The following ASIC2 variants were observed in gnomAD, a reference collection of about 807,000 sequenced individuals.
ASIC2 encodes acid-sensing ion channel 2.
Under a neutral mutation model 57.3 loss-of-function variants are expected in ASIC2, and 25 were observed. That is an observed-to-expected ratio of 0.44 (90% CI 0.32 to 0.61). The LOEUF is 0.61. Ranked by LOEUF, ASIC2 falls within the 20% of genes least tolerant of loss-of-function variation. The pLI is 0.06. For synonymous variants in ASIC2, 319 were observed against 307.5 expected, an observed-to-expected ratio of 1.04 and a Z score of -0.39; for missense variants, 641 against 738.1, an observed-to-expected ratio of 0.87 and a Z score of 1.52.
rs562485718 is a variant in ASIC2 at position 33,148,143 on chromosome 17, T to A, written c.709-36076A>T. On this transcript the variant is annotated intron_variant, in intron 1 of 9. Transcript: ENST00000225823. Reference sequence around the variant, plus strand: ...TATAATAGGAGCACAGTTAGCAAGGTGCTTCACACCTTCTGTGCCGTTTCA... The same window carrying A: ...TATAATAGGAGCACAGTTAGCAAGGAGCTTCACACCTTCTGTGCCGTTTCA... 1.2e-3 allele frequency among the ~76,000 whole-genome samples: 179 copies of A among 152,344 alleles called. 3 individuals are homozygous for A. The South Asian group carries it at 0.015, about 13-fold the overall frequency.
At position 33,238,201 on chromosome 17, in the gene ASIC2, G is replaced by A. The variant is rs1177869562; in HGVS notation, c.708+53207C>T. The stretch of plus-strand genomic sequence containing the variant: ...TCACGTGCTGGTGAAGGATCCCACA[G>A]GTGAAATCGCAGAGGCTGTGCTGGA... On this transcript the variant is annotated intron_variant, in intron 1 of 9. Transcript: ENST00000225823. Among the ~76,000 whole-genome samples, 3 of 152,312 alleles carry A rather than the reference G, an allele frequency of 2.0e-5. No homozygotes were observed. In the South Asian group the frequency reaches 6.2e-4, roughly 32 times the overall value.
chr17:33,238,056 G>A, intron 1 of ASIC2, among the ~76,000 whole-genome samples: 1 of 152,216 alleles, frequency 6.6e-6, no homozygotes, highest in Non-Finnish European at 1.5e-5. Flanking sequence ...TGGTTCCGAA[G>A]CTAGAGCCAC....
At chr17:33,263,912 A>G (rs1909373500) in intron 1 of ASIC2, among the ~76,000 whole-genome samples, 1 of 151,942 alleles carries the variant, frequency 6.6e-6, no homozygotes, top group South Asian at 2.1e-4. Flanking sequence ...ATAGGTCCCC[A>G]AGTCGCAGGG....
chr17:33,123,617 T>G (rs7209561), intron 1 of ASIC2, among the ~76,000 whole-genome samples: 38,581 of 152,182 alleles, frequency 0.25, 4,928 homozygotes, highest in East Asian at 0.43. Context: ...AGATCCCTTC[T>G]GGAACGTTTC....
chr17:33,977,582 A>G (rs943433287), intron 1 of ASIC2, among the ~76,000 whole-genome samples: 2 of 152,130 alleles, frequency 1.3e-5, no homozygotes, highest in Non-Finnish European at 2.9e-5. Context: ...TGAAGGATAC[A>G]GTTTTTCTAT....
intron 1 of ASIC2, among the ~76,000 whole-genome samples, chr17:34,096,319 A>C (rs957162070): frequency 6.6e-6 from 1 of 152,208 alleles, no homozygotes; most frequent in Admixed American, 6.5e-5. Flanking sequence ...GCATGAGTTA[A>C]AGGTTATAAG....
At chr17:33,161,857 G>GTTTTTT (rs199823485) in intron 1 of ASIC2, among the ~76,000 whole-genome samples, 24 of 94,226 alleles carry the variant, frequency 2.5e-4, no homozygotes, top group Non-Finnish European at 3.7e-4. Flanking sequence ...GAATTCCTAG[G>GTTTTTT]TTTTTTTTTT....
chr17:33,912,847 T>C (rs1023330744), intron 1 of ASIC2, among the ~76,000 whole-genome samples: 1 of 151,740 alleles, frequency 6.6e-6, no homozygotes, highest in Admixed American at 6.6e-5. Context: ...GGCGTGGTGG[T>C]GCATGCCTAT....
At chr17:34,151,064 C>T (rs1306691758) in intron 1 of ASIC2, among the ~76,000 whole-genome samples, 2 of 144,496 alleles carry the variant, frequency 1.4e-5, no homozygotes, top group African/African-American at 5.1e-5. Context: ...GATCGCACAA[C>T]TGCACTCCAG....
intron 1 of ASIC2, among the ~76,000 whole-genome samples, chr17:33,591,546 A>G (rs4795814): frequency 0.11 from 17,300 of 152,146 alleles, 1,288 homozygotes; most frequent in South Asian, 0.31. Flanking sequence ...TCTCACTCCA[A>G]TATCCTTTCT....
At chr17:33,687,081 G>T (rs1908218433) in intron 1 of ASIC2, among the ~76,000 whole-genome samples, 1 of 152,080 alleles carries the variant, frequency 6.6e-6, no homozygotes, top group African/African-American at 2.4e-5. Context: ...AGCATCTCTG[G>T]GTCTCAGTTT....
intron 1 of ASIC2, among the ~76,000 whole-genome samples, chr17:33,351,617 T>C (rs1038501806): frequency 6.6e-5 from 10 of 152,186 alleles, no homozygotes; most frequent in Admixed American, 2.0e-4. Context: ...TTAGGTCTCA[T>C]GTTTTCCTAC....
rs541757757 is a variant in ASIC2, at chr17:33,725,512, A to C, written c.555+430466T>G. Reference sequence around the variant, plus strand: ...GGTTAAGTATGGTCTTTCAGAAGTTAATTCCAGCTTGTAAGACTCAGTGCC... The same window carrying C: ...GGTTAAGTATGGTCTTTCAGAAGTTCATTCCAGCTTGTAAGACTCAGTGCC... On this transcript the variant is annotated intron_variant, in intron 1 of 9. Coordinates refer to the ASIC2 transcript ENST00000359872. Among the ~76,000 whole-genome samples the C allele has an allele frequency of 2.6e-5, 4 of 152,180 alleles. No individual in the cohort carries two copies. In the South Asian group the frequency reaches 8.3e-4, roughly 32 times the overall value.
At chr17:33,265,643 C>T (rs1418154104) in intron 1 of ASIC2, among the ~76,000 whole-genome samples, 1 of 152,108 alleles carries the variant, frequency 6.6e-6, no homozygotes, top group African/African-American at 2.4e-5. Flanking sequence ...ACGTCCTGCA[C>T]ATGAACCCTG....
chr17:33,466,636 A>G (rs1912873961), intron 1 of ASIC2, among the ~76,000 whole-genome samples: 1 of 152,232 alleles, frequency 6.6e-6, no homozygotes, highest in Non-Finnish European at 1.5e-5. Flanking sequence ...TGGTACTGGT[A>G]CCAAAACAGA....
At chr17:33,068,491 T>C (rs1265027145) in intron 3 of ASIC2, among the ~76,000 whole-genome samples, 1 of 152,126 alleles carries the variant, frequency 6.6e-6, no homozygotes, top group Non-Finnish European at 1.5e-5. Context: ...AAGCTGAGAC[T>C]GTGCTATTGC....
chr17:33,529,132 T>C (rs1368195242), intron 1 of ASIC2, among the ~76,000 whole-genome samples: 1 of 152,224 alleles, frequency 6.6e-6, no homozygotes, highest in African/African-American at 2.4e-5. Context: ...GGAGTGAACT[T>C]TGGGGACATC....
chr17:33,214,696 T>G (rs1907411127), intron 1 of ASIC2, among the ~76,000 whole-genome samples: 1 of 152,200 alleles, frequency 6.6e-6, no homozygotes, highest in African/African-American at 2.4e-5. Context: ...TCCCAGGTGA[T>G]GCCGATGCTG....
rs562114139 is a variant in ASIC2, at chr17:33,271,630, C to A, written c.708+19778G>T. Among the ~76,000 whole-genome samples, 6 of 152,258 alleles carry A rather than the reference C, an allele frequency of 3.9e-5. No individual in the cohort carries two copies. In the South Asian group the frequency reaches 1.2e-3, roughly 32 times the overall value. The stretch of plus-strand genomic sequence containing the variant: ...CAATCCACCATGAAGTCTCACTGGA[C>A]CTACCTTCAATATATGCCAAATTGG... On this transcript the variant is annotated intron_variant, in intron 1 of 9. Transcript: ENST00000225823.
Sources: allele counts gnomAD v4.1 joint callset (sites outside exome capture counted in the v4.1 genomes callset), GRCh38; gene constraint gnomAD v4.1.1; transcripts MANE v1.5; gene names NCBI Gene and HGNC (gene_info 2026-07-23, HGNC 2026-07-21).